Variants in DNAAF4 observed in about 807,000 individuals in gnomAD.
The protein encoded by DNAAF4 is dynein assembly factor 4, axonemal.
A neutral mutation model predicts 51.8 loss-of-function variants in DNAAF4; 43 were observed. The ratio of observed to expected loss-of-function variants is 0.83; its 90% CI spans 0.65 to 1.07. The LOEUF is 1.07. Ranked by LOEUF, DNAAF4 falls within the 50% of genes least tolerant of loss-of-function variation. The pLI is 0.00. For synonymous variants in DNAAF4, 194 were observed against 165.6 expected, an observed-to-expected ratio of 1.17 and a Z score of -1.32; for missense variants, 581 against 493.0, an observed-to-expected ratio of 1.18 and a Z score of -1.69.
At chr15:55,503,719 C>T (rs1567038916) in intron 1 of DNAAF4, among the ~76,000 whole-genome samples, 3 of 152,110 alleles carry the variant, frequency 2.0e-5, no homozygotes, top group South Asian at 2.1e-4. Context: ...TGACAAAATT[C>T]GATAGCCTTT....
intron 4 of DNAAF4, among the ~76,000 whole-genome samples, chr15:55,484,719 C>T: frequency 6.6e-6 from 1 of 152,086 alleles, no homozygotes; most frequent in East Asian, 1.9e-4. Flanking sequence ...AGGCCTGCTG[C>T]AAGCTGTGAA....
At chr15:55,426,602 G>T (rs2057432972), downstream of DNAAF4, among the ~76,000 whole-genome samples, 1 of 151,904 alleles carries the variant, frequency 6.6e-6, no homozygotes. Flanking sequence ...GCTAATTTTT[G>T]TATTTTTAGT....
At position 55,498,493 on chromosome 15, in the gene DNAAF4, G is replaced by A. The variant is rs1075938; in HGVS notation, c.-164C>T. The A allele has an allele frequency of 0.034, 31,717 of 920,258 alleles. 2,345 individuals carry two copies. Among genetic ancestry groups the A allele is most frequent in the African/African-American group, 0.27 (16,233 of 59,080 alleles). The allele number at this position is 920,258 out of a possible 1,614,324, so 57.0% of individuals were successfully genotyped here. The stretch of plus-strand genomic sequence containing the variant: ...CCAGCACCTCGCGGACTCCATGCGT[G>A]ACTATCCAGGCGCCCAGACCAGAGA... On this transcript the variant is annotated 5_prime_UTR_variant, in exon 2 of 10. Coordinates refer to ENST00000321149, the MANE Select transcript of DNAAF4 (RefSeq NM_130810.4).
chr15:55,433,955 A>AT lies in DNAAF4; in HGVS notation c.1047+949dup, dbSNP rs1237185193. Among the ~76,000 whole-genome samples, 2 of 39,610 alleles carry AT rather than the reference A, an allele frequency of 5.0e-5. 1 individual carries two copies. The highest frequency in any genetic ancestry group is 3.1e-4 in the African/African-American group (2 of 6,490). The allele number at this position is 39,610 out of a possible 152,430, so 26.0% of individuals were successfully genotyped here. A position where few individuals can be genotyped will look rare whatever the true frequency, so the allele number is the denominator to read the frequency against. On this transcript the variant is annotated intron_variant, in intron 8 of 9. Transcript: ENST00000321149. ...ATATAAAATATATATAATATATATA[A>AT]TATATATAATATATTTTATATATTA...
chr15:55,443,173 A>C, intron 6 of DNAAF4: 1 of 1,610,208 alleles, frequency 6.2e-7, no homozygotes, highest in East Asian at 2.2e-5. Flanking sequence ...AAACTGGTCA[A>C]AGAGCAGTCT....
At chr15:55,429,027 GC>G (rs1188265593), downstream of DNAAF4, among the ~76,000 whole-genome samples, 2 of 148,550 alleles carry the variant, frequency 1.3e-5, no homozygotes, top group Non-Finnish European at 3.0e-5. Context: ...TTCGAGACCA[GC>G]CTGGCCAACA....
intron 5 of DNAAF4, among the ~76,000 whole-genome samples, chr15:55,450,668 G>A (rs2057918043): frequency 6.6e-6 from 1 of 152,112 alleles, no homozygotes; most frequent in Non-Finnish European, 1.5e-5. Flanking sequence ...TCTAGAGAAG[G>A]GCACATAGGC....
intron 5 of DNAAF4, among the ~76,000 whole-genome samples, chr15:55,454,728 T>G (rs559510749): frequency 6.6e-6 from 1 of 152,150 alleles, no homozygotes; most frequent in African/African-American, 2.4e-5. Context: ...ATTCCCAGAA[T>G]TGATGAATGA....
chr15:55,497,525 C>T (rs936203176), intron 3 of DNAAF4, among the ~76,000 whole-genome samples, 187 bp downstream of exon 3: 1 of 151,824 alleles, frequency 6.6e-6, no homozygotes, highest in African/African-American at 2.4e-5. Context: ...CCTTGAACCC[C>T]GGGGGCAGAG....
chr15:55,452,653 G>A (rs2057953666), intron 5 of DNAAF4, among the ~76,000 whole-genome samples: 1 of 152,146 alleles, frequency 6.6e-6, no homozygotes, highest in African/African-American at 2.4e-5. Context: ...AAGGTAAAAT[G>A]TTATGAACAC....
intron 4 of DNAAF4, among the ~76,000 whole-genome samples, chr15:55,481,268 T>C (rs2058406791): frequency 6.6e-6 from 1 of 152,182 alleles, no homozygotes; most frequent in Non-Finnish European, 1.5e-5. Context: ...TGTTTTCATA[T>C]CAACCAATCA....
chr15:55,498,808 G>C (rs962247710), intron 1 of DNAAF4, among the ~76,000 whole-genome samples: 10 of 151,776 alleles, frequency 6.6e-5, no homozygotes, highest in Middle Eastern at 3.4e-3. Flanking sequence ...TGGAGGCTGA[G>C]GCTGAGGCAG....
intron 5 of DNAAF4, among the ~76,000 whole-genome samples, chr15:55,464,241 G>C (rs982418378): frequency 6.6e-6 from 1 of 152,132 alleles, no homozygotes; most frequent in Non-Finnish European, 1.5e-5. Context: ...TGGGATAATT[G>C]GCAAACCACA....
chr15:55,484,348 G>A (rs1196275961), intron 4 of DNAAF4, among the ~76,000 whole-genome samples: 2 of 151,964 alleles, frequency 1.3e-5, no homozygotes, highest in Non-Finnish European at 2.9e-5. Flanking sequence ...AGCCAGGCGT[G>A]GTGGTGAGCA....
intron 4 of DNAAF4, among the ~76,000 whole-genome samples, chr15:55,479,109 A>G (rs1465810659): frequency 1.3e-5 from 2 of 151,098 alleles, no homozygotes. Context: ...TGGGAAGGCT[A>G]TACTAATCCT....
rs10688653 is a variant in DNAAF4 at position 55,455,387 on chromosome 15, A to AATATATATATATATATATAT, written c.638-5040_638-5021dup. Among the ~76,000 whole-genome samples the AATATATATATATATATATAT allele has an allele frequency of 3.8e-3, 485 of 127,170 alleles. 1 individual carries two copies. Among genetic ancestry groups the AATATATATATATATATATAT allele is most frequent in the African/African-American group, 0.011 (338 of 31,918 alleles). 83.4% of individuals were successfully genotyped at this position (127,170 alleles called of 152,430 possible). A position where few individuals can be genotyped will look rare whatever the true frequency, so the allele number is the denominator to read the frequency against. On this transcript the variant is annotated intron_variant, in intron 5 of 9. Coordinates refer to ENST00000321149, the MANE Select transcript of DNAAF4 (RefSeq NM_130810.4). The stretch of plus-strand genomic sequence containing the variant: ...CTGCTTATAAAATATTAGCAAATTG[A>AATATATATATATATATATAT]ATATATATATATATATATATATATA...
chr15:55,465,958 G>A (rs1163260590), intron 5 of DNAAF4, among the ~76,000 whole-genome samples: 1 of 152,122 alleles, frequency 6.6e-6, no homozygotes, highest in African/African-American at 2.4e-5. Context: ...GGGTGCAGGG[G>A]TGAGGGATAA....
At chr15:55,417,936 G>T in exon 8 of DNAAF4, 1 of 550,940 alleles carries the variant, frequency 1.8e-6, no homozygotes, top group Non-Finnish European at 3.2e-6. Flanking sequence ...GTGCTCAGTG[G>T]GGGAGGTTCT....
At position 55,473,198 on chromosome 15, in the gene DNAAF4, A is replaced by AAAAATATAT. The variant is rs1209754897; in HGVS notation, c.406-6038_406-6037insATATATTTT. Among the ~76,000 whole-genome samples, 215 of 75,740 alleles carry AAAAATATAT rather than the reference A, an allele frequency of 2.8e-3. 24 individuals carry two copies. Among genetic ancestry groups the AAAAATATAT allele is most frequent in the African/African-American group, 4.5e-3 (84 of 18,676 alleles). The allele number at this position is 75,740 out of a possible 152,430, so 49.7% of individuals were successfully genotyped here. On this transcript the variant is annotated intron_variant, in intron 4 of 9. Transcript: ENST00000321149. ...ACAAAAAAAAAACCTAAAAAAAAAAAATATATATATATATATATATATATG... is the reference window on the plus strand; with the variant it reads ...ACAAAAAAAAAACCTAAAAAAAAAAAAAAATATATATATATATATATATATATATATATG...
Sources: gnomAD v4.1 joint callset for allele counts (sites outside exome capture counted in the v4.1 genomes callset) on GRCh38, gnomAD v4.1.1 for gene constraint, MANE v1.5 for transcripts, NCBI Gene and HGNC (gene_info 2026-07-23, HGNC 2026-07-21) for gene names.